STK36: variants seen among roughly 807,000 people sequenced by gnomAD.
The protein encoded by STK36 is serine/threonine-protein kinase 36.
In STK36, 116 loss-of-function variants were observed where a neutral mutation model predicts 142.2. The ratio of observed to expected loss-of-function variants is 0.82; its 90% confidence interval spans 0.70 to 0.95. The LOEUF is 0.95. Among genes scored for constraint, STK36 ranks in the 40% least tolerant of loss-of-function variants. STK36 has a pLI of 0.00. For synonymous variants in STK36, 619 were observed against 641.7 expected (o/e 0.96, Z 0.53); for missense variants, 1,422 against 1,617.2 (o/e 0.88, Z 2.07).
chr2:218,697,693 T>C, intron 24 of STK36, 83 bp downstream of exon 24: 1 of 1,597,548 alleles, frequency 6.3e-7, no homozygotes, highest in Non-Finnish European at 8.5e-7. Flanking sequence ...ACTGACAGAT[T>C]GAGCTATAAA....
chr2:218,682,805 T>TTGGTCTTGAACTCCTGGACTCAAG (rs1478149739), intron 10 of STK36, among the ~76,000 whole-genome samples: 5 of 151,908 alleles, frequency 3.3e-5, no homozygotes, highest in African/African-American at 1.2e-4. Flanking sequence ...CTTGTCCAGG[T>TTGGTCTTGAACTCCTGGACTCAAG]TGGTCTTGAA....
At chr2:218,686,759 T>C (rs561456329) in intron 11 of STK36, among the ~76,000 whole-genome samples, 1 of 152,370 alleles carries the variant, frequency 6.6e-6, no homozygotes, top group Admixed American at 6.5e-5. Flanking sequence ...GATAAATGTT[T>C]TTATTTCCCT....
chr2:218,697,433 C>T, intron 23 of STK36, 30 bp from the exon 24 acceptor site: 5 of 1,612,006 alleles, frequency 3.1e-6, no homozygotes, highest in Non-Finnish European at 4.2e-6. Context: ...CTTGCCTGTT[C>T]CATTGGGTCT....
intron 22 of STK36, 137 bp from the exon 23 acceptor site, chr2:218,696,902 G>A: frequency 8.0e-7 from 1 of 1,257,796 alleles, no homozygotes; most frequent in Non-Finnish European, 1.2e-6. Context: ...AAGACGACAG[G>A]GAAATACTAG....
At chr2:218,701,127 G>A (rs949702941) in intron 26 of STK36, among the ~76,000 whole-genome samples, 3 of 144,056 alleles carry the variant, frequency 2.1e-5, no homozygotes, top group African/African-American at 8.0e-5. Context: ...TTGAGAGGAT[G>A]GTGAAGATCT....
intron 23 of STK36, 120 bp from the exon 24 acceptor site, chr2:218,697,343 A>C (rs1247595858): frequency 6.6e-7 from 1 of 1,518,254 alleles, no homozygotes; most frequent in African/African-American, 1.4e-5. Flanking sequence ...CAGTGTCTGC[A>C]CTAGAGCTGC....
chr2:218,697,397 G>A, intron 23 of STK36, 66 bp from the exon 24 acceptor site: 1 of 1,588,628 alleles, frequency 6.3e-7, no homozygotes, highest in Non-Finnish European at 8.6e-7. Context: ...CCTGGGAGCT[G>A]TGGGGAAGCA....
At position 218,672,824 on chromosome 2, in the gene STK36, T is replaced by C. The variant is rs1470655536; in HGVS notation, c.-6T>C. Reference sequence around the variant, plus strand: ...CTTCCTTCTAAGAGATCCTGAAACCTCTGTCATGGAAAAGTACCACGTGTT... The same window carrying C: ...CTTCCTTCTAAGAGATCCTGAAACCCCTGTCATGGAAAAGTACCACGTGTT... On this transcript the variant is annotated 5_prime_UTR_variant, in exon 2 of 27. Transcript: ENST00000295709. 2 of 1,613,786 alleles carry C rather than the reference T, an allele frequency of 1.2e-6. No individual in the cohort carries two copies. Among genetic ancestry groups the C allele is most frequent in the African/African-American group, 2.7e-5 (2 of 74,882 alleles).
intron 26 of STK36, among the ~76,000 whole-genome samples, chr2:218,701,176 C>G (rs892918315): frequency 4.0e-5 from 6 of 151,416 alleles, no homozygotes; most frequent in Non-Finnish European, 1.5e-5. Flanking sequence ...TTTGTCGCCC[C>G]CAGGCTGGAG....
intron 10 of STK36, among the ~76,000 whole-genome samples, chr2:218,682,359 C>G (rs1163776942): frequency 6.6e-6 from 1 of 152,150 alleles, no homozygotes; most frequent in Non-Finnish European, 1.5e-5. Flanking sequence ...TGTACACATG[C>G]CCCTTTACCC....
intron 14 of STK36, among the ~76,000 whole-genome samples, chr2:218,691,722 T>C (rs1941006025): frequency 6.6e-6 from 1 of 151,696 alleles, no homozygotes; most frequent in African/African-American, 2.4e-5. Flanking sequence ...GACCTGGCTA[T>C]TTTTTTTGGA....
chr2:218,688,362 G>A, intron 11 of STK36: 1 of 497,550 alleles, frequency 2.0e-6, no homozygotes, highest in Non-Finnish European at 3.9e-6. Flanking sequence ...TCAGAAGCAT[G>A]TGCGGTGCAC....
At position 218,688,728 on chromosome 2, in the gene STK36, A is replaced by T. The variant is rs771080061; in HGVS notation, c.1412A>T (p.His471Leu). The change falls in exon 12 of 27, where the codon CAC becomes CTC. Residue 471 changes from histidine to leucine, a missense_variant. Coordinates refer to ENST00000295709, the MANE Select transcript of STK36 (RefSeq NM_015690.5). ...AAAGGCATCTTGGAGGGTGCTTCCC[A>T]CATCCTGCCTGCATTCCGGGTCCTG... ...ILKGILEGAS[H>L]ILPAFRVLSS... The T allele has an allele frequency of 5.0e-6, 8 of 1,613,742 alleles. No homozygotes were observed. Among genetic ancestry groups the T allele is most frequent in the Non-Finnish European group, 6.8e-6 (8 of 1,179,858 alleles).
At chr2:218,683,109 A>T (rs1444280214) in intron 10 of STK36, among the ~76,000 whole-genome samples, 1 of 152,126 alleles carries the variant, frequency 6.6e-6, no homozygotes, top group Non-Finnish European at 1.5e-5. Flanking sequence ...TAATCTTTTT[A>T]TTTATTTATT....
chr2:218,676,675 G>A (rs1940265631), intron 6 of STK36, among the ~76,000 whole-genome samples: 1 of 141,836 alleles, frequency 7.1e-6, no homozygotes, highest in African/African-American at 2.7e-5. Context: ...TTGAGACAGA[G>A]TCTCGCTCTG....
rs757972513 is a variant in STK36 at position 218,699,059 on chromosome 2, C to T, written c.3515C>T (p.Ala1172Val). The T allele has an allele frequency of 6.2e-7, 1 of 1,614,050 alleles. No homozygotes were observed. Among genetic ancestry groups the T allele is most frequent in the South Asian group, 1.1e-5 (1 of 91,080 alleles). ...AAGGATCCTGTTGTGCGGTGCAGTG[C>T]CAGCTTTGCTGTGGGCAATGCAGCC... is the stretch of plus-strand genomic sequence containing the variant. Reference protein sequence around the residue: ...GDKDPVVRCSASFAVGNAAYQ... With the variant: ...GDKDPVVRCSVSFAVGNAAYQ... The change falls in exon 26 of 27, where the codon GCC becomes GTC. Residue 1172 changes from alanine to valine, a missense_variant. Physicochemically the swap from Ala to Val is moderately conservative, Grantham distance 64. This residue lies in a region of STK36 where 962 missense variants were observed against 1,167.5 expected (regional missense o/e 0.82). Coordinates refer to ENST00000295709, the MANE Select transcript of STK36 (RefSeq NM_015690.5).
At chr2:218,695,292 C>G (rs1179858763) in intron 21 of STK36, among the ~76,000 whole-genome samples, 1 of 127,630 alleles carries the variant, frequency 7.8e-6, no homozygotes, top group East Asian at 2.3e-4. Flanking sequence ...ATGGCGCGAT[C>G]TCGGCTCACC....
Position 218,694,348 on chromosome 2 carries a change from C to T in STK36, c.2400+21C>T, listed in dbSNP as rs766088763. The T allele has an allele frequency of 1.9e-6, 3 of 1,609,276 alleles. No homozygotes were observed. Among genetic ancestry groups the T allele is most frequent in the Non-Finnish European group, 2.6e-6 (3 of 1,175,632 alleles). ...TTGTGGTAAGTTTTTAACCTTCACCCTCCTCCCCTTTTCACCCTAGCATCT... is the reference window on the plus strand; with the variant it reads ...TTGTGGTAAGTTTTTAACCTTCACCTTCCTCCCCTTTTCACCCTAGCATCT... On this transcript the variant is annotated intron_variant, in intron 20 of 26. Coordinates refer to ENST00000295709, the MANE Select transcript of STK36 (RefSeq NM_015690.5). The surrounding 1 kb of genome is among the most constrained non-coding windows in gnomAD (Gnocchi z 4.4).
At position 218,701,966 on chromosome 2, in the gene STK36, G is replaced by T. The variant is rs1166209842; in HGVS notation, c.3905G>T (p.Cys1302Phe). The T allele has an allele frequency of 6.2e-7, 1 of 1,613,958 alleles. No individual in the cohort carries two copies. Among genetic ancestry groups the T allele is most frequent in the African/African-American group, 1.3e-5 (1 of 74,886 alleles). Residue 1302 changes from cysteine to phenylalanine, a missense_variant, in exon 27 of 27, where the codon TGC becomes TTC. This residue lies in a region of STK36 where 962 missense variants were observed against 1,167.5 expected (regional missense o/e 0.82). Coordinates refer to ENST00000295709, the MANE Select transcript of STK36 (RefSeq NM_015690.5). ...SSPRPASAKHCRKLIHLLRPA... is the reference protein window; with the variant it reads ...SSPRPASAKHFRKLIHLLRPA... ...CCTAGGCCTGCCTCTGCCAAACACT[G>T]CAGGAAACTCATTCACCTCCTGAGG...
Sources: gnomAD v4.1 joint callset for allele counts (sites outside exome capture counted in the v4.1 genomes callset) on GRCh38, gnomAD v4.1.1 for gene constraint, gnomAD v4.1.1 regional missense constraint, Gnocchi (gnomAD v3.1) non-coding constraint, MANE v1.5 for transcripts, NCBI Gene and HGNC (gene_info 2026-07-23, HGNC 2026-07-21) for gene names.